ROR1: variants seen among roughly 807,000 people sequenced by gnomAD.
ROR1 encodes ROR family WNT receptor 1, also known as inactive tyrosine-protein kinase transmembrane receptor ROR1.
Under a neutral mutation model 78.8 loss-of-function variants are expected in ROR1, and 19 were observed. The ratio of observed to expected loss-of-function variants is 0.24; its 90% confidence interval spans 0.17 to 0.35. ROR1 has a LOEUF of 0.35. Ranked by LOEUF, ROR1 falls within the 10% of genes least tolerant of loss-of-function variation. The pLI is 1.00. For synonymous variants in ROR1, 386 were observed against 433.6 expected (o/e 0.89, Z 1.36); for missense variants, 917 against 1,177.8 (o/e 0.78, Z 3.24).
intron 1 of ROR1, among the ~76,000 whole-genome samples, chr1:63,776,871 C>T (rs1256744738): frequency 6.6e-6 from 1 of 152,024 alleles, no homozygotes; most frequent in Non-Finnish European, 1.5e-5. Flanking sequence ...TTGATCTTTT[C>T]TCTGGGGTCA....
chr1:64,071,938 C>T (rs1368757792), intron 4 of ROR1, among the ~76,000 whole-genome samples: 1 of 152,092 alleles, frequency 6.6e-6, no homozygotes, highest in South Asian at 2.1e-4. Context: ...AAAGGGATTC[C>T]CTTCCTCTGC....
At chr1:63,848,810 T>A (rs980256998) in intron 1 of ROR1, among the ~76,000 whole-genome samples, 1 of 152,204 alleles carries the variant, frequency 6.6e-6, no homozygotes, top group Non-Finnish European at 1.5e-5. Context: ...GTTATCATCC[T>A]GGAAATTTTT....
intron 4 of ROR1, among the ~76,000 whole-genome samples, chr1:64,065,147 CACTT>C (rs536336401): frequency 6.6e-6 from 1 of 152,274 alleles, no homozygotes; most frequent in African/African-American, 2.4e-5. Flanking sequence ...CTGTGGCAAA[CACTT>C]ACTAAGTGCT....
chr1:64,132,716 C>T (rs10158788), intron 4 of ROR1, among the ~76,000 whole-genome samples: 24,102 of 142,300 alleles, frequency 0.17, 2,192 homozygotes, highest in Middle Eastern at 0.23. Context: ...GCTGAGATCG[C>T]GCCACTGCAC....
chr1:63,986,891 C>CA (rs566117923), intron 1 of ROR1, among the ~76,000 whole-genome samples: 1,832 of 120,144 alleles, frequency 0.015, 34 homozygotes, highest in African/African-American at 0.045. Context: ...GACCCTGTCT[C>CA]AAAAAAAAAA....
At chr1:63,837,835 A>G (rs1360466826) in intron 1 of ROR1, among the ~76,000 whole-genome samples, 2 of 152,234 alleles carry the variant, frequency 1.3e-5, no homozygotes, top group East Asian at 3.9e-4. Context: ...AAAAATAAGT[A>G]TGTATGTAAT....
At chr1:63,875,987 G>A (rs182498531) in intron 1 of ROR1, among the ~76,000 whole-genome samples, 18 of 152,150 alleles carry the variant, frequency 1.2e-4, no homozygotes, top group African/African-American at 3.9e-4. Context: ...TTGAGAAAGT[G>A]GGAGACTATA....
chr1:63,795,979 C>T (rs1644757412), intron 1 of ROR1, among the ~76,000 whole-genome samples: 2 of 152,154 alleles, frequency 1.3e-5, no homozygotes, highest in South Asian at 2.1e-4. Context: ...TTCATTAAAA[C>T]CCCCATCAGA....
chr1:64,115,614 A>G (rs1345466140), intron 4 of ROR1, among the ~76,000 whole-genome samples: 4 of 151,176 alleles, frequency 2.6e-5, no homozygotes, highest in East Asian at 1.9e-4. Flanking sequence ...ATATATGTGT[A>G]TATATATATA....
chr1:63,806,354 G>T (rs1569742956), intron 1 of ROR1, among the ~76,000 whole-genome samples: 2 of 136,206 alleles, frequency 1.5e-5, no homozygotes, highest in African/African-American at 2.8e-5. Flanking sequence ...GTCTCGCTCT[G>T]TCGCCCAGGC....
chr1:64,118,139 G>T (rs1408594235), intron 4 of ROR1, among the ~76,000 whole-genome samples: 2 of 152,190 alleles, frequency 1.3e-5, no homozygotes, highest in African/African-American at 4.8e-5. Context: ...GTAGGTCAAG[G>T]TTGCAGTGAG....
At chr1:63,893,169 T>TAAAC (rs898825478) in intron 1 of ROR1, among the ~76,000 whole-genome samples, 12 of 152,140 alleles carry the variant, frequency 7.9e-5, no homozygotes, top group Admixed American at 5.2e-4. Flanking sequence ...GCTTAGGCAG[T>TAAAC]AAACATCTTC....
chr1:63,785,896 C>T (rs952412691), intron 1 of ROR1, among the ~76,000 whole-genome samples: 21 of 152,214 alleles, frequency 1.4e-4, no homozygotes, highest in African/African-American at 4.6e-4. Flanking sequence ...CTGTGCGGCT[C>T]ATAGCGCTTT....
intron 1 of ROR1, among the ~76,000 whole-genome samples, chr1:63,891,284 G>T (rs1199000195): frequency 6.6e-6 from 1 of 152,124 alleles, no homozygotes; most frequent in Non-Finnish European, 1.5e-5. Context: ...TCTTTTCGTT[G>T]TGGTAAATTG....
At chr1:63,819,272 A>T (rs904244459) in intron 1 of ROR1, among the ~76,000 whole-genome samples, 3 of 152,194 alleles carry the variant, frequency 2.0e-5, no homozygotes, top group Non-Finnish European at 4.4e-5. Flanking sequence ...AGGATCATCT[A>T]TGGCCTCCTT....
chr1:63,776,345 A>C (rs1263358905), intron 1 of ROR1, among the ~76,000 whole-genome samples: 1 of 152,166 alleles, frequency 6.6e-6, no homozygotes, highest in Non-Finnish European at 1.5e-5. Context: ...AGAGTTGTTT[A>C]AAAAAGGTAT....
intron 1 of ROR1, among the ~76,000 whole-genome samples, chr1:63,869,729 AT>A (rs1557536493): frequency 6.6e-6 from 1 of 152,214 alleles, no homozygotes; most frequent in East Asian, 1.9e-4. Flanking sequence ...GGAAGTCCTC[AT>A]TCAGTTATTC....
intron 4 of ROR1, among the ~76,000 whole-genome samples, chr1:64,116,547 A>T (rs1336101099): frequency 6.6e-6 from 1 of 152,190 alleles, no homozygotes; most frequent in Non-Finnish European, 1.5e-5. Context: ...TTTTACTGAT[A>T]TTGTGATGGT....
chr1:64,018,756 A>G (rs1019065654), intron 2 of ROR1, among the ~76,000 whole-genome samples: 7 of 152,248 alleles, frequency 4.6e-5, no homozygotes, highest in Admixed American at 1.3e-4. Flanking sequence ...TCTCTCCAAC[A>G]TCTAGTGCAG....
Sources: allele counts gnomAD v4.1 joint callset (sites outside exome capture counted in the v4.1 genomes callset), GRCh38; gene constraint gnomAD v4.1.1; transcripts MANE v1.5; gene names NCBI Gene and HGNC (gene_info 2026-07-23, HGNC 2026-07-21).